The following COLQ variants were observed in gnomAD, a reference collection of about 807,000 sequenced individuals.
COLQ encodes the protein acetylcholinesterase collagenic tail peptide.
Under a neutral mutation model 69.0 loss-of-function variants are expected in COLQ, and 48 were observed. That is an observed-to-expected ratio of 0.70 (90% CI 0.55 to 0.88). The LOEUF (loss-of-function observed/expected upper bound fraction) is 0.88. COLQ is among the 40% of genes least tolerant of loss of function. The probability of loss-of-function intolerance (pLI) is 0.00; values close to 1 mark genes in which losing one functional copy is unlikely to be tolerated. For missense variants in COLQ, 618 were observed against 594.6 expected (o/e 1.04, Z -0.41); for synonymous variants, 217 against 211.2 (o/e 1.03, Z -0.24).
chr3:15,470,769 G>T lies in COLQ; in HGVS notation c.637-153C>A, dbSNP rs2305618. ...CTGCCCTGCAAGGTTAGCAGAGTGA[G>T]GAAGTCATGAGAAAGGCAGACATGT... is the stretch of plus-strand genomic sequence containing the variant. On this transcript the variant is annotated intron_variant, in intron 10 of 16. Coordinates refer to ENST00000383788, the MANE Select transcript of COLQ (RefSeq NM_005677.4). 0.047 allele frequency: 34,941 copies of T among 747,884 alleles called. 1,574 individuals carry two copies. The highest frequency in any genetic ancestry group is 0.18 in the African/African-American group (10,894 of 58,888). The allele number at this position is 747,884 out of a possible 1,614,324, so 46.3% of individuals were successfully genotyped here.
rs1225557167 is a variant in COLQ, at chr3:15,473,741, A to AAAAC, written c.636+255_636+258dup. Among the ~76,000 whole-genome samples, 9 of 152,236 alleles carry AAAAC rather than the reference A, an allele frequency of 5.9e-5. No individual in the cohort carries two copies. Among genetic ancestry groups the AAAAC allele is most frequent in the East Asian group, 1.9e-4 (1 of 5,182 alleles). ...GAGGTAGGAAAAGCAAAAAAGCAAA[A>AAAAC]AAACAAACAAACAAACAAAAACCCA... is the stretch of plus-strand genomic sequence containing the variant. On this transcript the variant is annotated intron_variant, in intron 10 of 16. Transcript: ENST00000383788. This position sits in a 1 kb window ranked among gnomAD's most constrained non-coding sequence, Gnocchi z 4.0.
intron 12 of COLQ, among the ~76,000 whole-genome samples, chr3:15,463,536 T>A (rs6442527): frequency 2.0e-5 from 3 of 151,564 alleles, no homozygotes; most frequent in East Asian, 1.9e-4. Context: ...TTAGTAGAGA[T>A]GGGGTTTCAC....
rs996885142 is a variant in COLQ at position 15,488,108 on chromosome 3, T to G, written c.321+98A>C. ...AGCGAGAGAAGGAAAAACAGCTTTGTATCACATGAGAAAGAGCAGACACTA... is the reference window on the plus strand; with the variant it reads ...AGCGAGAGAAGGAAAAACAGCTTTGGATCACATGAGAAAGAGCAGACACTA... On this transcript the variant is annotated intron_variant, in intron 3 of 16. Transcript: ENST00000383788. 6 of 874,834 alleles carry G rather than the reference T, an allele frequency of 6.9e-6. No individual in the cohort carries two copies. In the African/African-American group the frequency reaches 1.0e-4, roughly 15 times the overall value. 54.2% of individuals were successfully genotyped at this position (874,834 alleles called of 1,614,324 possible). A position where few individuals can be genotyped will look rare whatever the true frequency, so the allele number is the denominator to read the frequency against.
rs188737921 is a variant in COLQ at position 15,489,553 on chromosome 3, G to A, written c.191C>T (p.Pro64Leu). 1.2e-6 allele frequency: 2 copies of A among 1,614,206 alleles called. No individual in the cohort carries two copies. The highest frequency in any genetic ancestry group is 4.5e-5 in the East Asian group (2 of 44,882). ...LTPPPPPLFP[P>L]PFFRGGRSPL... ...ACTTCGGCCACCTCTGAAGAATGGTGGTGGGAACAGTGGTGGTGGAGGAGG... is the reference window on the plus strand; with the variant it reads ...ACTTCGGCCACCTCTGAAGAATGGTAGTGGGAACAGTGGTGGTGGAGGAGG... The change falls in exon 2 of 17, where the codon CCA becomes CTA. Residue 64 changes from proline (P) to leucine (L), a missense_variant. Transcript: ENST00000383788.
intron 11 of COLQ, among the ~76,000 whole-genome samples, chr3:15,470,142 C>T (rs764423749): frequency 5.3e-5 from 8 of 152,190 alleles, no homozygotes; most frequent in Non-Finnish European, 8.8e-5. Context: ...GACCTCTCAA[C>T]AGCAGGAAAA....
chr3:15,488,925 T>C (rs765366024), intron 2 of COLQ, among the ~76,000 whole-genome samples: 4 of 152,184 alleles, frequency 2.6e-5, no homozygotes, highest in Non-Finnish European at 4.4e-5. Context: ...GGCTCCTGAA[T>C]TGGACAGCTC....
Position 15,502,167 on chromosome 3 carries a change from G to A in COLQ, c.107-12530C>T, listed in dbSNP as rs1461741536. Among the ~76,000 whole-genome samples, 3 of 147,866 alleles carry A rather than the reference G, an allele frequency of 2.0e-5. No homozygotes were observed. In the Admixed American group the frequency reaches 2.0e-4, roughly 10 times the overall value. Reference sequence around the variant, plus strand: ...TTTTGCTCTTGTTGCCTAGGCTGGAGTGCAATGACATGATCTCGGTTCACT... The same window carrying A: ...TTTTGCTCTTGTTGCCTAGGCTGGAATGCAATGACATGATCTCGGTTCACT... On this transcript the variant is annotated intron_variant, in intron 1 of 16. Transcript: ENST00000383788.
rs368153249 is a variant in COLQ at position 15,455,858 on chromosome 3, C to T, written c.1195+41G>A. On this transcript the variant is annotated intron_variant, in intron 15 of 16. Coordinates refer to ENST00000383788, the MANE Select transcript of COLQ (RefSeq NM_005677.4). ...GCTGGCCCTGAGTCCCACCCCCCTG[C>T]TGTTCAGGCCTCAGGTCCTCCTGGT... The T allele has an allele frequency of 1.9e-6, 3 of 1,613,060 alleles. No homozygotes were observed. In the African/African-American group the frequency reaches 4.0e-5, roughly 22 times the overall value.
intron 1 of COLQ, among the ~76,000 whole-genome samples, 190 bp from the exon 2 acceptor site, chr3:15,489,827 A>G (rs2062635279): frequency 1.3e-5 from 2 of 152,228 alleles, no homozygotes; most frequent in Admixed American, 1.3e-4. Flanking sequence ...CCTTTGCTAG[A>G]TTAAGATGGT....
rs780452818 is a variant in COLQ at position 15,456,051 on chromosome 3, G to C, written c.1075-32C>G. ...AAAGAAGCACACAGCATTAACTGGA[G>C]CATGGCATACCCAGGCAGCCGCAGG... On this transcript the variant is annotated intron_variant, in intron 14 of 16. Coordinates refer to ENST00000383788, the MANE Select transcript of COLQ (RefSeq NM_005677.4). 5.0e-6 allele frequency: 8 copies of C among 1,613,348 alleles called. No homozygotes were observed. The African/African-American group carries it at 1.1e-4, about 22-fold the overall frequency.
At chr3:15,462,583 G>T (rs1036166216) in intron 12 of COLQ, among the ~76,000 whole-genome samples, 7 of 152,182 alleles carry the variant, frequency 4.6e-5, no homozygotes. Context: ...GGGAGCCCCT[G>T]CAGGAAGCAG....
intron 6 of COLQ, among the ~76,000 whole-genome samples, chr3:15,476,457 CT>C (rs2062379787): frequency 6.6e-6 from 1 of 152,150 alleles, no homozygotes; most frequent in South Asian, 2.1e-4. Context: ...TTAAAATATC[CT>C]TTTGGGACTT....
At chr3:15,451,830 C>T (rs760756593) in intron 16 of COLQ, 117 bp from the exon 17 acceptor site, 31 of 900,440 alleles carry the variant, frequency 3.4e-5, no homozygotes, top group African/African-American at 6.5e-5. Flanking sequence ...TTTTCCCATT[C>T]TCATTTGGAG....
At chr3:15,499,018 C>G in intron 1 of COLQ, 12 of 1,006,710 alleles carry the variant, frequency 1.2e-5, no homozygotes, top group Middle Eastern at 4.8e-4. Context: ...GCCTCAAAGT[C>G]AACCCCCCAC....
chr3:15,499,392 T>G (rs561021367), intron 1 of COLQ, among the ~76,000 whole-genome samples: 1 of 152,318 alleles, frequency 6.6e-6, no homozygotes, highest in African/African-American at 2.4e-5. Context: ...CCATAAGCTA[T>G]AGCAGGAGTC....
At chr3:15,453,242 T>C (rs970354122) in intron 16 of COLQ, among the ~76,000 whole-genome samples, 1 of 152,176 alleles carries the variant, frequency 6.6e-6, no homozygotes, top group Non-Finnish European at 1.5e-5. Context: ...AGAATACTTG[T>C]CCTGAACAAC....
Position 15,456,516 on chromosome 3 carries a change from G to A in COLQ, c.1018C>T (p.Arg340Cys), listed in dbSNP as rs138818971. Residue 340 changes from arginine to cysteine, a missense_variant, in exon 14 of 17, where the codon CGC (arginine) becomes TGC (cysteine). Arg to Cys is a radical substitution (Grantham distance 180). Transcript: ENST00000383788. ...RLNTQNAIAF[R>C]RDQRSLYFKD... ...AAGTACAGAGATCTCTGGTCTCTGC[G>A]GAAGGCAATGGCGTTTTGGGTGTTC... The A allele has an allele frequency of 6.6e-5, 106 of 1,614,184 alleles. No homozygotes were observed. The highest frequency in any genetic ancestry group is 3.6e-4 in the African/African-American group (27 of 75,058).
intron 1 of COLQ, among the ~76,000 whole-genome samples, chr3:15,518,006 C>T (rs2063085594): frequency 6.6e-6 from 1 of 152,194 alleles, no homozygotes; most frequent in Middle Eastern, 3.4e-3. Context: ...AGTGCAATGG[C>T]GCGATCTCAG....
At chr3:15,520,496 CTG>C in intron 1 of COLQ, among the ~76,000 whole-genome samples, 1 of 152,316 alleles carries the variant, frequency 6.6e-6, no homozygotes, top group East Asian at 1.9e-4. Context: ...CTGGCCCTCC[CTG>C]TGTTTCCAGC....
Sources: allele counts gnomAD v4.1 joint callset (sites outside exome capture counted in the v4.1 genomes callset), GRCh38; gene constraint gnomAD v4.1.1; non-coding constraint Gnocchi (gnomAD v3.1); transcripts MANE v1.5; gene names NCBI Gene and HGNC (gene_info 2026-07-23, HGNC 2026-07-21).